ST6GALNAC6: variants seen among roughly 807,000 people sequenced by gnomAD.
ST6GALNAC6 encodes alpha-N-acetylgalactosaminide alpha-2,6-sialyltransferase 6.
Under a neutral mutation model 34.3 loss-of-function variants are expected in ST6GALNAC6, and 19 were observed. The observed-to-expected ratio is 0.55, with a 90% CI of 0.39 to 0.81. The LOEUF (loss-of-function observed/expected upper bound fraction) is 0.81. ST6GALNAC6 is among the 40% of genes least tolerant of loss of function. The pLI, the probability that ST6GALNAC6 is intolerant of heterozygous loss-of-function variation, is 0.00. For missense variants in ST6GALNAC6, 377 were observed against 467.7 expected (o/e 0.81, Z 1.79); for synonymous variants, 185 against 182.1 (o/e 1.02, Z -0.13).
upstream of ST6GALNAC6, among the ~76,000 whole-genome samples, chr9:127,900,584 A>AAAAAAAAAAAAAAG (rs1564495080): frequency 6.7e-6 from 1 of 150,134 alleles, no homozygotes; most frequent in African/African-American, 2.5e-5. Flanking sequence ...AAAAAAAAAA[A>AAAAAAAAAAAAAAG]AAGAAGGATG....
At position 127,890,630 on chromosome 9, in the gene ST6GALNAC6, C is replaced by T. The variant is rs1830075786; in HGVS notation, c.704+7G>A. 1.2e-6 allele frequency: 2 copies of T among 1,612,936 alleles called. No individual in the cohort carries two copies. Among genetic ancestry groups the T allele is most frequent in the South Asian group, 2.2e-5 (2 of 91,080 alleles). The stretch of plus-strand genomic sequence containing the variant: ...CTGGCCAGAGGGGGCAGGCAGGAGG[C>T]TGGTACCTGTCCTTGCCCGTCTCAC... On this transcript the variant is annotated splice_region_variant and intron_variant, in intron 5 of 6. Transcript: ENST00000373146. The surrounding 1 kb of genome is among the most constrained non-coding windows in gnomAD (Gnocchi z 4.3).
chr9:127,888,613 C>T (rs1438985468), intron 5 of ST6GALNAC6, among the ~76,000 whole-genome samples: 1 of 151,700 alleles, frequency 6.6e-6, no homozygotes, highest in Non-Finnish European at 1.5e-5. Flanking sequence ...TTGAGACCAG[C>T]CTGGCCAACA....
At chr9:127,887,319 C>G (rs1355612388) in intron 6 of ST6GALNAC6, among the ~76,000 whole-genome samples, 165 bp downstream of exon 6, 1 of 152,000 alleles carries the variant, frequency 6.6e-6, no homozygotes, top group East Asian at 1.9e-4. Context: ...GGAGTGGAGG[C>G]CCCTGAGGAA....
intron 3 of ST6GALNAC6, among the ~76,000 whole-genome samples, chr9:127,895,415 C>T (rs1186860055): frequency 6.6e-6 from 1 of 152,174 alleles, no homozygotes; most frequent in Non-Finnish European, 1.5e-5. Flanking sequence ...CTCCGAAGTC[C>T]AGCTCCTACA....
chr9:127,887,470 C>T lies in ST6GALNAC6; in HGVS notation c.812+14G>A, dbSNP rs1408440679. 1.2e-6 allele frequency: 2 copies of T among 1,604,800 alleles called. No individual in the cohort carries two copies. Among genetic ancestry groups the T allele is most frequent in the Middle Eastern group, 1.7e-4 (1 of 6,044 alleles). On this transcript the variant is annotated intron_variant, in intron 6 of 6. Transcript: ENST00000373146. ...GGGTGTTGTCCTGGGAGGGCGCTGGCAAGGAGGGCTCACCTGCAGTAGTTG... is the reference window on the plus strand; with the variant it reads ...GGGTGTTGTCCTGGGAGGGCGCTGGTAAGGAGGGCTCACCTGCAGTAGTTG...
chr9:127,896,760 G>T, intron 2 of ST6GALNAC6: 1 of 659,430 alleles, frequency 1.5e-6, no homozygotes, highest in Non-Finnish European at 1.9e-6. Context: ...GGCCTGGAAC[G>T]CCCTCCCTCC....
At chr9:127,887,415 C>G (rs1829841869) in intron 6 of ST6GALNAC6, 69 bp downstream of exon 6, 1 of 1,358,046 alleles carries the variant, frequency 7.4e-7, no homozygotes, top group Non-Finnish European at 1.0e-6. Flanking sequence ...GGTTTCCAGC[C>G]CCTAGAGCTC....
At chr9:127,896,115 G>T (rs1830435732) in intron 3 of ST6GALNAC6, 127 bp downstream of exon 3, 2 of 1,115,694 alleles carry the variant, frequency 1.8e-6, no homozygotes, top group South Asian at 1.3e-5. Context: ...GGCCTCCCAG[G>T]CATGGGCAGC....
upstream of ST6GALNAC6, among the ~76,000 whole-genome samples, chr9:127,901,769 T>G (rs1206079364): frequency 1.3e-5 from 2 of 151,918 alleles, no homozygotes; most frequent in Admixed American, 6.6e-5. Context: ...CAGTCTCTAC[T>G]AAAAAAATAC....
intron 6 of ST6GALNAC6, 108 bp from the exon 7 acceptor site, chr9:127,886,896 C>A: frequency 9.1e-7 from 1 of 1,098,602 alleles, no homozygotes; most frequent in Non-Finnish European, 1.3e-6. Flanking sequence ...AATCCCCATG[C>A]CTCCTGGGGC....
chr9:127,905,909 C>T (rs1830904887), upstream of ST6GALNAC6: 2 of 984,232 alleles, frequency 2.0e-6, no homozygotes, highest in Non-Finnish European at 2.4e-6. Context: ...TCCACCTCCG[C>T]CTACCAGACT....
rs1830071634 is a variant in ST6GALNAC6, at chr9:127,890,567, G to A, written c.704+70C>T. Reference sequence around the variant, plus strand: ...AGAGCAGTGCATGCTGGGAGCAACAGGCCCTCTGGATGGGGCATGCTGAGA... The same window carrying A: ...AGAGCAGTGCATGCTGGGAGCAACAAGCCCTCTGGATGGGGCATGCTGAGA... On this transcript the variant is annotated intron_variant, in intron 5 of 6. Transcript: ENST00000373146. The surrounding 1 kb of genome is among the most constrained non-coding windows in gnomAD (Gnocchi z 4.3). The A allele has an allele frequency of 2.5e-6, 4 of 1,597,500 alleles. No homozygotes were observed. The highest frequency in any genetic ancestry group is 3.4e-5 in the Admixed American group (2 of 59,282).
chr9:127,894,716 G>A (rs1830346334), intron 3 of ST6GALNAC6, 25 bp from the exon 4 acceptor site: 1 of 1,589,444 alleles, frequency 6.3e-7, no homozygotes, highest in Non-Finnish European at 8.6e-7. Flanking sequence ...GGTCAGTGAG[G>A]GCCCAGCTGC....
At chr9:127,896,828 A>G (rs1830486267) in intron 2 of ST6GALNAC6, 2 of 980,880 alleles carry the variant, frequency 2.0e-6, no homozygotes, top group African/African-American at 1.8e-5. Flanking sequence ...GAACTCCCCT[A>G]CGTCCTCCCA....
intron 1 of ST6GALNAC6, among the ~76,000 whole-genome samples, chr9:127,898,470 A>G (rs1271382656): frequency 6.6e-6 from 1 of 152,264 alleles, no homozygotes; most frequent in Non-Finnish European, 1.5e-5. Flanking sequence ...CACAATGCCA[A>G]CAGCTGTTAG....
rs1032144193 is a variant in ST6GALNAC6 at position 127,890,469 on chromosome 9, T to C, written c.704+168A>G. Among the ~76,000 whole-genome samples the C allele has an allele frequency of 2.6e-5, 4 of 152,080 alleles. No homozygotes were observed. The highest frequency in any genetic ancestry group is 6.5e-5 in the Admixed American group (1 of 15,288). ...TGCAGAGCATGCTGGAAAGGACCCATGTGAACAGCTGGACATGAAGAGAAC... is the reference window on the plus strand; with the variant it reads ...TGCAGAGCATGCTGGAAAGGACCCACGTGAACAGCTGGACATGAAGAGAAC... On this transcript the variant is annotated intron_variant, in intron 5 of 6. Coordinates refer to ENST00000373146, the MANE Select transcript of ST6GALNAC6 (RefSeq NM_013443.5). This position sits in a 1 kb window ranked among gnomAD's most constrained non-coding sequence, Gnocchi z 4.3.
chr9:127,901,085 T>C (rs1010435483), upstream of ST6GALNAC6, among the ~76,000 whole-genome samples: 4 of 150,302 alleles, frequency 2.7e-5, no homozygotes, highest in African/African-American at 4.9e-5. Context: ...CCTGGAGAAA[T>C]TCTTGCAGAT....
At chr9:127,900,942 C>T (rs1244549625), upstream of ST6GALNAC6, among the ~76,000 whole-genome samples, 1 of 140,470 alleles carries the variant, frequency 7.1e-6, no homozygotes, top group East Asian at 2.2e-4. Context: ...CGAGATCATG[C>T]CATTGCACTC....
chr9:127,894,502 G>C lies in ST6GALNAC6; in HGVS notation c.297+10C>G. The C allele has an allele frequency of 6.2e-7, 1 of 1,613,326 alleles. No homozygotes were observed. The highest frequency in any genetic ancestry group is 8.5e-7 in the Non-Finnish European group (1 of 1,179,878). On this transcript the variant is annotated intron_variant, in intron 4 of 6. Transcript: ENST00000373146. The stretch of plus-strand genomic sequence containing the variant: ...CAGTAGGGAGGAGCTCCCCAAAGCA[G>C]CTGCGCTACCTTGTTGCCGAGAATG...
Sources: allele counts gnomAD v4.1 joint callset (sites outside exome capture counted in the v4.1 genomes callset), GRCh38; gene constraint gnomAD v4.1.1; non-coding constraint Gnocchi (gnomAD v3.1); transcripts MANE v1.5; gene names NCBI Gene and HGNC (gene_info 2026-07-23, HGNC 2026-07-21).